The following RGS12 variants were observed in gnomAD, a reference collection of about 807,000 sequenced individuals.
The protein encoded by RGS12 is regulator of G-protein signaling 12.
RGS12 carries 66 observed loss-of-function variants against 120.1 expected under a neutral mutation model. The observed-to-expected ratio is 0.55, with a 90% CI of 0.45 to 0.67. RGS12 has a LOEUF of 0.67. Ranked by LOEUF, RGS12 falls within the 30% of genes least tolerant of loss-of-function variation. RGS12 has a pLI of 0.00. For missense variants in RGS12, 1,859 were observed against 1,957.7 expected (o/e 0.95, Z 0.95); for synonymous variants, 827 against 804.7 (o/e 1.03, Z -0.47).
intron 3 of RGS12, among the ~76,000 whole-genome samples, chr4:3,382,934 T>C (rs1419920356): frequency 6.6e-6 from 1 of 152,180 alleles, no homozygotes; most frequent in East Asian, 1.9e-4. Context: ...TGTCTGAGAC[T>C]CTGCTCATTG....
intron 17 of RGS12, among the ~76,000 whole-genome samples, chr4:3,436,422 C>T (rs543443365): frequency 1.1e-4 from 17 of 152,164 alleles, no homozygotes; most frequent in Non-Finnish European, 1.8e-4. Context: ...GAGGTGGCTG[C>T]GCTTGGCAGC....
At position 3,362,862 on chromosome 4, in the gene RGS12, T is replaced by TGC. The variant is rs1256136975; in HGVS notation, c.1998+19811_1998+19812dup. Among the ~76,000 whole-genome samples, 4 of 128,440 alleles carry TGC rather than the reference T, an allele frequency of 3.1e-5. No individual in the cohort carries two copies. The East Asian group carries it at 7.5e-4, about 24-fold the overall frequency. 84.3% of individuals were successfully genotyped at this position (128,440 alleles called of 152,430 possible). On this transcript the variant is annotated intron_variant, in intron 3 of 17. Transcript: ENST00000336727. ...GAGACTGAGTGTGAGGGTGTGTGTG[T>TGC]GCGAGGGTGTGTGTGTGTGAGAGCA... is the stretch of plus-strand genomic sequence containing the variant.
At chr4:3,434,252 C>T (rs1232350157) in intron 17 of RGS12, among the ~76,000 whole-genome samples, 1 of 152,152 alleles carries the variant, frequency 6.6e-6, no homozygotes, top group Admixed American at 6.5e-5. Context: ...ATCAGCTCTC[C>T]TGAGACTCAC....
At chr4:3,409,009 C>T (rs1191375959) in intron 4 of RGS12, among the ~76,000 whole-genome samples, 1 of 152,208 alleles carries the variant, frequency 6.6e-6, no homozygotes, top group East Asian at 1.9e-4. Flanking sequence ...TGGACTGCAA[C>T]CTCTTTCCCT....
At chr4:3,399,057 TTAAAA>T (rs1363972785) in intron 4 of RGS12, among the ~76,000 whole-genome samples, 2 of 152,100 alleles carry the variant, frequency 1.3e-5, no homozygotes, top group Non-Finnish European at 2.9e-5. Context: ...AAGGAAGAAA[TTAAAA>T]TGGGAGTTAT....
At position 3,423,605 on chromosome 4, in the gene RGS12, A is replaced by T; in HGVS notation, c.3198A>T (p.Arg1066Ser). The T allele has an allele frequency of 6.2e-7, 1 of 1,611,612 alleles. No homozygotes were observed. Among genetic ancestry groups the T allele is most frequent in the Non-Finnish European group, 8.5e-7 (1 of 1,179,894 alleles). Residue 1066 changes from arginine to serine, a missense_variant, in exon 13 of 18, where the codon AGA becomes AGT. Physicochemically the swap from Arg to Ser is moderately radical, Grantham distance 110. Transcript: ENST00000336727. Reference sequence around the variant, plus strand: ...AGGTGCTGCGGCCCGTGGTGGCCAGATACGGCCTGGACCTCAGTGGCCTGC... The same window carrying T: ...AGGTGCTGCGGCCCGTGGTGGCCAGTTACGGCCTGGACCTCAGTGGCCTGC... ...VTEVLRPVVARYGLDLSGLLV... is the reference protein window; with the variant it reads ...VTEVLRPVVASYGLDLSGLLV...
chr4:3,322,349 A>G (rs1333149560), intron 2 of RGS12, among the ~76,000 whole-genome samples: 1 of 152,156 alleles, frequency 6.6e-6, no homozygotes, highest in Non-Finnish European at 1.5e-5. Flanking sequence ...GATGTTTGGA[A>G]GTGGACTGCT....
rs551569405 is a variant in RGS12 at position 3,439,805 on chromosome 4, C to T, written c.*121C>T. The T allele has an allele frequency of 7.5e-4, 726 of 965,054 alleles. 2 individuals are homozygous for T. The highest frequency in any genetic ancestry group is 9.8e-4 in the Middle Eastern group (3 of 3,048). 59.8% of individuals were successfully genotyped at this position (965,054 alleles called of 1,614,324 possible). The stretch of plus-strand genomic sequence containing the variant: ...ACCCTCAGGAGCCCAGCCAGGAGGG[C>T]AGGGGGTGACCTCGCTGGAGGCACT... On this transcript the variant is annotated 3_prime_UTR_variant, in exon 18 of 18. Coordinates refer to ENST00000336727, the MANE Select transcript of RGS12 (RefSeq NM_001394154.1).
upstream of RGS12, among the ~76,000 whole-genome samples, chr4:3,289,412 C>T (rs533357750): frequency 7.9e-4 from 120 of 152,298 alleles, no homozygotes; most frequent in Admixed American, 1.5e-3. Flanking sequence ...CTGTGTTGCC[C>T]AGGCTGGTCT....
At chr4:3,323,197 G>A (rs1189028256) in intron 2 of RGS12, among the ~76,000 whole-genome samples, 2 of 152,268 alleles carry the variant, frequency 1.3e-5, no homozygotes, top group African/African-American at 4.8e-5. Context: ...GGCCTCTCCC[G>A]GGAGGGGTGC....
At chr4:3,382,789 C>T (rs888007694) in intron 3 of RGS12, among the ~76,000 whole-genome samples, 2 of 152,222 alleles carry the variant, frequency 1.3e-5, no homozygotes, top group Admixed American at 6.5e-5. Context: ...TTTAACTTCA[C>T]TTACTGTATT....
intron 1 of RGS12, among the ~76,000 whole-genome samples, chr4:3,310,902 C>T (rs1019683783): frequency 1.3e-5 from 2 of 152,186 alleles, no homozygotes; most frequent in African/African-American, 4.8e-5. Context: ...AGCCTGGGTT[C>T]AAATCCACCT....
chr4:3,388,351 A>G (rs1462246998), intron 4 of RGS12, among the ~76,000 whole-genome samples: 1 of 151,972 alleles, frequency 6.6e-6, no homozygotes, highest in Non-Finnish European at 1.5e-5. Flanking sequence ...TGTTTTTGTT[A>G]TTTTTCCATC....
chr4:3,420,690 CTG>C lies in RGS12; in HGVS notation c.2814_2815del (p.Ser939LeufsTer54). ...CTGTGTCGCCGAGAGTCGCAGGGCTCTGTGTCCTCTGCGGGGAGCCTGGACCT... is the reference window on the plus strand; with the variant it reads ...CTGTGTCGCCGAGAGTCGCAGGGCTCTGTCCTCTGCGGGGAGCCTGGACCT... On this transcript the variant is annotated frameshift_variant, in exon 10 of 18. Coordinates refer to ENST00000336727, the MANE Select transcript of RGS12 (RefSeq NM_001394154.1). LOFTEE classifies it high-confidence loss of function. 1 of 1,613,092 alleles carries C rather than the reference CTG, an allele frequency of 6.2e-7. No individual in the cohort carries two copies. Among genetic ancestry groups the C allele is most frequent in the South Asian group, 1.1e-5 (1 of 91,068 alleles).
At chr4:3,322,606 T>G (rs993137383) in intron 2 of RGS12, among the ~76,000 whole-genome samples, 5 of 152,188 alleles carry the variant, frequency 3.3e-5, no homozygotes, top group Admixed American at 6.5e-5. Flanking sequence ...ATTAATTAAT[T>G]AAAATACCTG....
chr4:3,382,721 C>G lies in RGS12; in HGVS notation c.1999-3695C>G, dbSNP rs551255733. On this transcript the variant is annotated intron_variant, in intron 3 of 17. Coordinates refer to ENST00000336727, the MANE Select transcript of RGS12 (RefSeq NM_001394154.1). Reference sequence around the variant, plus strand: ...GTGTAATTGTTTTCAGTTCCATCTTCCAGTTCCCAAATCCTCTCTTCAACT... The same window carrying G: ...GTGTAATTGTTTTCAGTTCCATCTTGCAGTTCCCAAATCCTCTCTTCAACT... Among the ~76,000 whole-genome samples, 25 of 152,326 alleles carry G rather than the reference C, an allele frequency of 1.6e-4. No homozygotes were observed. In the South Asian group the frequency reaches 4.4e-3, roughly 27 times the overall value.
intron 3 of RGS12, 150 bp from the exon 4 acceptor site, chr4:3,386,266 C>A: frequency 1.4e-6 from 1 of 718,216 alleles, no homozygotes; most frequent in South Asian, 1.6e-5. Context: ...ACTCATTGGG[C>A]CGTCTGGCTT....
At chr4:3,291,936 C>A (rs1723045431), upstream of RGS12, among the ~76,000 whole-genome samples, 1 of 152,190 alleles carries the variant, frequency 6.6e-6, no homozygotes, top group African/African-American at 2.4e-5. Context: ...TCCTGGGATC[C>A]AAACTAATCA....
intron 14 of RGS12, among the ~76,000 whole-genome samples, chr4:3,425,954 G>A (rs563729629): frequency 2.6e-5 from 1 of 37,842 alleles, no homozygotes; most frequent in African/African-American, 1.3e-4. Context: ...TGGGGCCAGC[G>A]CAGGGGAGGG....
Sources: allele counts gnomAD v4.1 joint callset (sites outside exome capture counted in the v4.1 genomes callset), GRCh38; gene constraint gnomAD v4.1.1; transcripts MANE v1.5; gene names NCBI Gene and HGNC (gene_info 2026-07-23, HGNC 2026-07-21).